Variants in SVOP observed in about 807,000 individuals in gnomAD.
SVOP encodes synaptic vesicle 2-related protein.
In SVOP, 17 loss-of-function variants were observed where a neutral mutation model predicts 69.1. The observed-to-expected ratio is 0.25, with a 90% CI of 0.17 to 0.37. The LOEUF (loss-of-function observed/expected upper bound fraction) is 0.37, where lower values mean the gene tolerates loss of function less well. SVOP is among the 10% of genes least tolerant of loss of function. SVOP has a pLI of 1.00. For missense variants in SVOP, 435 were observed against 597.5 expected (o/e 0.73, Z 2.84); for synonymous variants, 238 against 238.6 (o/e 1.00, Z 0.02).
chr12:108,989,513 G>A (rs1023196832), intron 1 of SVOP, among the ~76,000 whole-genome samples: 1 of 152,220 alleles, frequency 6.6e-6, no homozygotes, highest in African/African-American at 2.4e-5. Flanking sequence ...GAGCTCTGAA[G>A]TGTGAATCGT....
intron 1 of SVOP, 78 bp downstream of exon 1, chr12:109,020,756 C>CCT (rs1555254162): frequency 1.1e-4 from 32 of 284,940 alleles, no homozygotes; most frequent in South Asian, 5.5e-4. Flanking sequence ...AGAGATGTAC[C>CCT]CCCCCCCACC....
chr12:108,918,898 C>G (rs1009497109), intron 13 of SVOP, among the ~76,000 whole-genome samples: 1 of 152,118 alleles, frequency 6.6e-6, no homozygotes, highest in Non-Finnish European at 1.5e-5. Context: ...CATCAGAGAC[C>G]CTGATCTTTT....
At chr12:108,919,885 G>T in intron 12 of SVOP, 99 bp from the exon 13 acceptor site, 1 of 763,822 alleles carries the variant, frequency 1.3e-6, no homozygotes, top group Non-Finnish European at 2.2e-6. Flanking sequence ...CCTGGAGGGT[G>T]GACTAGACTT....
At chr12:108,997,496 C>T (rs1356136272) in intron 1 of SVOP, among the ~76,000 whole-genome samples, 1 of 152,160 alleles carries the variant, frequency 6.6e-6, no homozygotes, top group East Asian at 1.9e-4. Flanking sequence ...GTAGGCTCCA[C>T]CTCTGCGGGC....
intron 7 of SVOP, among the ~76,000 whole-genome samples, chr12:108,943,602 A>C (rs1181039663): frequency 2.0e-5 from 3 of 146,922 alleles, no homozygotes; most frequent in African/African-American, 4.9e-5. Flanking sequence ...TGTCTCACAA[A>C]AAAAAAAAAA....
chr12:108,975,918 C>T (rs2040104173), intron 4 of SVOP, among the ~76,000 whole-genome samples: 1 of 152,068 alleles, frequency 6.6e-6, no homozygotes, highest in Non-Finnish European at 1.5e-5. Flanking sequence ...CCAGCCTGGT[C>T]TTGAACTCCT....
intron 10 of SVOP, 25 bp downstream of exon 10, chr12:108,937,239 A>C (rs1416731119): frequency 1.9e-6 from 3 of 1,613,602 alleles, no homozygotes; most frequent in Non-Finnish European, 2.5e-6. Flanking sequence ...GAAAGGGGTC[A>C]AAGTGGTCAA....
chr12:108,958,283 T>C (rs1389756227), intron 6 of SVOP, among the ~76,000 whole-genome samples: 1 of 149,328 alleles, frequency 6.7e-6, no homozygotes, highest in Admixed American at 6.7e-5. Flanking sequence ...AGATTACAGG[T>C]GTAAGGTACC....
At chr12:108,970,881 A>C (rs530375471) in intron 5 of SVOP, among the ~76,000 whole-genome samples, 1 of 151,994 alleles carries the variant, frequency 6.6e-6, no homozygotes, top group African/African-American at 2.4e-5. Context: ...TTAGCTGGGC[A>C]TGGTGGCACA....
intron 5 of SVOP, among the ~76,000 whole-genome samples, chr12:108,970,423 C>A (rs1479237944): frequency 1.3e-5 from 2 of 152,312 alleles, no homozygotes; most frequent in African/African-American, 2.4e-5. Flanking sequence ...AACGCATGAA[C>A]CATACTTTGC....
chr12:108,980,106 G>A (rs939303685), intron 2 of SVOP, among the ~76,000 whole-genome samples: 1 of 152,082 alleles, frequency 6.6e-6, no homozygotes, highest in Non-Finnish European at 1.5e-5. Flanking sequence ...AGCCAGGAAG[G>A]TTTCAAGGTT....
Position 109,015,017 on chromosome 12 carries a change from G to T in SVOP, c.35+5817C>A, listed in dbSNP as rs184790846. The stretch of plus-strand genomic sequence containing the variant: ...TGAGATTATGGGCTTGAACCACCAT[G>T]CCCAGCTCAGGTATTTTTTATTTTA... On this transcript the variant is annotated intron_variant, in intron 1 of 15. Transcript: ENST00000610966. Among the ~76,000 whole-genome samples, 447 of 152,240 alleles carry T rather than the reference G, an allele frequency of 2.9e-3. 4 individuals are homozygous for T. Among genetic ancestry groups the T allele is most frequent in the African/African-American group, 0.01 (416 of 41,530 alleles).
chr12:109,008,046 A>G (rs2040318917), intron 1 of SVOP, among the ~76,000 whole-genome samples: 1 of 151,304 alleles, frequency 6.6e-6, no homozygotes, highest in Non-Finnish European at 1.5e-5. Context: ...TCAAAAAAAA[A>G]AAATCTCCAG....
intron 1 of SVOP, among the ~76,000 whole-genome samples, chr12:108,997,199 C>T (rs1330267783): frequency 3.3e-5 from 5 of 151,036 alleles, no homozygotes; most frequent in African/African-American, 9.7e-5. Context: ...AAAGGGGTGA[C>T]GGACGCACCT....
At chr12:108,914,514 G>A (rs1420627781) in intron 15 of SVOP, among the ~76,000 whole-genome samples, 2 of 152,096 alleles carry the variant, frequency 1.3e-5, no homozygotes, top group Admixed American at 6.6e-5. Flanking sequence ...CAAAAAGCAG[G>A]AACTGGCATA....
chr12:108,924,345 T>C (rs1228910258), intron 11 of SVOP, among the ~76,000 whole-genome samples: 5 of 152,192 alleles, frequency 3.3e-5, no homozygotes, highest in African/African-American at 7.2e-5. Context: ...GAACCAGCCA[T>C]TTAACAGGCA....
chr12:108,937,655 G>C (rs2039864294), intron 9 of SVOP, among the ~76,000 whole-genome samples: 1 of 152,014 alleles, frequency 6.6e-6, no homozygotes, highest in African/African-American at 2.4e-5. Flanking sequence ...ACAGCAAGCA[G>C]AAAACCAGTC....
chr12:108,972,050 A>G (rs2040082520), intron 5 of SVOP, among the ~76,000 whole-genome samples: 1 of 151,384 alleles, frequency 6.6e-6, no homozygotes, highest in Non-Finnish European at 1.5e-5. Flanking sequence ...AAACAAAAAG[A>G]AAAACAAAAA....
chr12:108,997,098 G>C (rs1593204075), intron 1 of SVOP, among the ~76,000 whole-genome samples: 1 of 151,498 alleles, frequency 6.6e-6, no homozygotes, highest in East Asian at 1.9e-4. Context: ...AGGTCAGTGG[G>C]TGCGTGCACC....
Sources: gnomAD v4.1 joint callset for allele counts (sites outside exome capture counted in the v4.1 genomes callset) on GRCh38, gnomAD v4.1.1 for gene constraint, MANE v1.5 for transcripts, NCBI Gene and HGNC (gene_info 2026-07-23, HGNC 2026-07-21) for gene names.